The following SPIRE1 variants were observed in gnomAD, a reference collection of about 807,000 sequenced individuals.
The protein encoded by SPIRE1 is spire type actin nucleation factor 1.
Under a neutral mutation model 94.1 loss-of-function variants are expected in SPIRE1, and 40 were observed. The observed-to-expected ratio is 0.43, with a 90% CI of 0.33 to 0.55. SPIRE1 has a LOEUF of 0.55. SPIRE1 is among the 20% of genes least tolerant of loss of function. The pLI, the probability that SPIRE1 is intolerant of heterozygous loss-of-function variation, is 0.06. For missense variants in SPIRE1, 838 were observed against 975.2 expected (o/e 0.86, Z 1.87); for synonymous variants, 376 against 371.7 (o/e 1.01, Z -0.13).
chr18:12,503,476 C>T (rs539464854), intron 6 of SPIRE1, among the ~76,000 whole-genome samples: 3 of 152,288 alleles, frequency 2.0e-5, no homozygotes, highest in South Asian at 2.1e-4. Context: ...TGCACGGGTT[C>T]GGTCCTGAGT....
intron 4 of SPIRE1, among the ~76,000 whole-genome samples, chr18:12,524,209 C>T (rs747783331): frequency 6.6e-6 from 1 of 152,164 alleles, no homozygotes; most frequent in Non-Finnish European, 1.5e-5. Context: ...ATAAGCCATG[C>T]TTATATCCAA....
chr18:12,530,422 G>A lies in SPIRE1; in HGVS notation c.729+5054C>T, dbSNP rs547290092. ...CACTCTATTACCAAGGCTGGATGGAGCACAGTGGTGAGATCATAGTTCACT... is the reference window on the plus strand; with the variant it reads ...CACTCTATTACCAAGGCTGGATGGAACACAGTGGTGAGATCATAGTTCACT... On this transcript the variant is annotated intron_variant, in intron 4 of 16. Coordinates refer to ENST00000409402, the MANE Select transcript of SPIRE1 (RefSeq NM_001128626.2). Among the ~76,000 whole-genome samples, 5 of 152,282 alleles carry A rather than the reference G, an allele frequency of 3.3e-5. No individual in the cohort carries two copies. In the South Asian group the frequency reaches 8.3e-4, roughly 25 times the overall value.
At chr18:12,539,587 GCACACA>G (rs57030414) in intron 3 of SPIRE1, among the ~76,000 whole-genome samples, 3,912 of 139,080 alleles carry the variant, frequency 0.028, 63 homozygotes, top group South Asian at 0.067. Context: ...ACACACACAC[GCACACA>G]CACACACACA....
chr18:12,557,487 G>A (rs910947776), intron 2 of SPIRE1, among the ~76,000 whole-genome samples: 1 of 151,960 alleles, frequency 6.6e-6, no homozygotes, highest in East Asian at 1.9e-4. Flanking sequence ...GCTGGCCCGC[G>A]AGCGCCTGGC....
chr18:12,638,026 C>T (rs1185450420), intron 1 of SPIRE1, among the ~76,000 whole-genome samples: 1 of 152,212 alleles, frequency 6.6e-6, no homozygotes, highest in Admixed American at 6.5e-5. Context: ...ATTTGACCAA[C>T]TACACAGGTC....
At chr18:12,568,187 T>C (rs1373752110) in intron 2 of SPIRE1, among the ~76,000 whole-genome samples, 1 of 152,236 alleles carries the variant, frequency 6.6e-6, no homozygotes, top group Non-Finnish European at 1.5e-5. Context: ...TTCACAGTCA[T>C]GGTGAAAGTG....
chr18:12,628,181 C>T lies in SPIRE1; in HGVS notation c.372+6881G>A, dbSNP rs988971238. Among the ~76,000 whole-genome samples, 8 of 152,028 alleles carry T rather than the reference C, an allele frequency of 5.3e-5. No homozygotes were observed. The South Asian group carries it at 1.0e-3, about 20-fold the overall frequency. On this transcript the variant is annotated intron_variant, in intron 2 of 16. Coordinates refer to ENST00000409402, the MANE Select transcript of SPIRE1 (RefSeq NM_001128626.2). ...AGATTTTCTTCTAGGGTTTTTATAGCGTTAGGTCTAACATTTTAAGTCTTT... is the reference window on the plus strand; with the variant it reads ...AGATTTTCTTCTAGGGTTTTTATAGTGTTAGGTCTAACATTTTAAGTCTTT...
rs182519047 is a variant in SPIRE1 at position 12,636,172 on chromosome 18, C to T, written c.338-1076G>A. ...CCTCCCAAAGTGCTGGGATTACAGG[C>T]GTGAGCCACCATGCCCAGTCAGTAC... On this transcript the variant is annotated intron_variant, in intron 1 of 16. Transcript: ENST00000409402. 1.8e-3 allele frequency among the ~76,000 whole-genome samples: 277 copies of T among 152,246 alleles called. 2 individuals carry two copies. Among genetic ancestry groups the T allele is most frequent in the South Asian group, 4.1e-3 (20 of 4,820 alleles).
At position 12,570,565 on chromosome 18, in the gene SPIRE1, G is replaced by T. The variant is rs1369224303; in HGVS notation, c.373-23661C>A. Reference sequence around the variant, plus strand: ...ATATCTGTATAGCACTTCATTAGGAGTATGTTTTCCTTTATACATTACGAT... The same window carrying T: ...ATATCTGTATAGCACTTCATTAGGATTATGTTTTCCTTTATACATTACGAT... On this transcript the variant is annotated intron_variant, in intron 2 of 16. Coordinates refer to ENST00000409402, the MANE Select transcript of SPIRE1 (RefSeq NM_001128626.2). Among the ~76,000 whole-genome samples, 8 of 152,152 alleles carry T rather than the reference G, an allele frequency of 5.3e-5. No individual in the cohort carries two copies. The East Asian group carries it at 1.5e-3, about 29-fold the overall frequency.
chr18:12,474,588 G>A (rs1038716316), intron 10 of SPIRE1, among the ~76,000 whole-genome samples: 1 of 152,154 alleles, frequency 6.6e-6, no homozygotes, highest in African/African-American at 2.4e-5. Context: ...TTGGGAGGCC[G>A]AGGTGGGCAG....
At chr18:12,591,006 C>T (rs1365075163) in intron 2 of SPIRE1, among the ~76,000 whole-genome samples, 1 of 152,116 alleles carries the variant, frequency 6.6e-6, no homozygotes, top group Non-Finnish European at 1.5e-5. Context: ...CCAAAACATA[C>T]ATTCTAGAAG....
chr18:12,653,745 G>A (rs1334813552), intron 1 of SPIRE1, among the ~76,000 whole-genome samples: 6 of 152,156 alleles, frequency 3.9e-5, no homozygotes, highest in African/African-American at 1.2e-4. Flanking sequence ...TCGGGAGTTC[G>A]TGACCAGCCT....
At chr18:12,456,215 A>G (rs1598885094) in intron 12 of SPIRE1, among the ~76,000 whole-genome samples, 1 of 152,230 alleles carries the variant, frequency 6.6e-6, no homozygotes. Flanking sequence ...AACAGGAACT[A>G]CTTTCAGAGA....
intron 2 of SPIRE1, among the ~76,000 whole-genome samples, chr18:12,574,569 A>G (rs1268494454): frequency 6.6e-6 from 1 of 152,262 alleles, no homozygotes; most frequent in Non-Finnish European, 1.5e-5. Context: ...ATGGCAAGTT[A>G]AATACCTGTG....
At chr18:12,543,273 A>G (rs1455416260) in intron 3 of SPIRE1, among the ~76,000 whole-genome samples, 2 of 152,160 alleles carry the variant, frequency 1.3e-5, no homozygotes, top group Non-Finnish European at 2.9e-5. Flanking sequence ...GTCAGATAAG[A>G]TATTTTACCT....
At chr18:12,546,420 CCCAGGGGTTCAA>C (rs1357126073) in intron 3 of SPIRE1, among the ~76,000 whole-genome samples, 7 of 152,020 alleles carry the variant, frequency 4.6e-5, no homozygotes, top group African/African-American at 1.7e-4. Flanking sequence ...ATCACTTGAG[CCCAGGGGTTCAA>C]AACCAGCCTG....
At chr18:12,594,811 C>A (rs1486602271) in intron 2 of SPIRE1, among the ~76,000 whole-genome samples, 1 of 152,196 alleles carries the variant, frequency 6.6e-6, no homozygotes, top group African/African-American at 2.4e-5. Flanking sequence ...TCTTCCACCT[C>A]CTCCACCTCT....
At chr18:12,641,649 G>A (rs977536232) in intron 1 of SPIRE1, among the ~76,000 whole-genome samples, 1 of 151,732 alleles carries the variant, frequency 6.6e-6, no homozygotes, top group Non-Finnish European at 1.5e-5. Context: ...TTACAGGCGT[G>A]AGCCACCACA....
intron 2 of SPIRE1, among the ~76,000 whole-genome samples, chr18:12,550,569 G>A (rs1290766924): frequency 2.6e-5 from 4 of 151,910 alleles, no homozygotes; most frequent in Non-Finnish European, 5.9e-5. Flanking sequence ...GCTATGTTGC[G>A]CAGGCTAGTT....
Sources: gnomAD v4.1 joint callset for allele counts (sites outside exome capture counted in the v4.1 genomes callset) on GRCh38, gnomAD v4.1.1 for gene constraint, MANE v1.5 for transcripts, NCBI Gene and HGNC (gene_info 2026-07-23, HGNC 2026-07-21) for gene names.